Variants in ATF7 observed in about 807,000 individuals in gnomAD.
ATF7 encodes the protein activating transcription factor 7.
A neutral mutation model predicts 50.4 loss-of-function variants in ATF7; 10 were observed. That is an observed-to-expected ratio of 0.20 (90% CI 0.12 to 0.34). The LOEUF (loss-of-function observed/expected upper bound fraction) is 0.34. Ranked by LOEUF, ATF7 falls within the 10% of genes least tolerant of loss-of-function variation. The probability of loss-of-function intolerance (pLI) is 1.00; values close to 1 mark genes in which losing one functional copy is unlikely to be tolerated. For synonymous variants in ATF7, 201 were observed against 226.4 expected (o/e 0.89, Z 1.01); for missense variants, 465 against 613.9 (o/e 0.76, Z 2.56).
At chr12:53,555,803 C>T (rs1442419158) in intron 2 of ATF7, among the ~76,000 whole-genome samples, 1 of 151,222 alleles carries the variant, frequency 6.6e-6, no homozygotes, top group Admixed American at 6.6e-5. Context: ...AGCCATCATG[C>T]CCCGTCTTTT....
rs1944166585 is a variant in ATF7 at position 53,512,733 on chromosome 12, T to C, written c.*4404A>G. ...AATCTAGCTTTTGAGATCAGTGATATGATGGGGAAGACTTTAAAGGGAATG... is the reference window on the plus strand; with the variant it reads ...AATCTAGCTTTTGAGATCAGTGATACGATGGGGAAGACTTTAAAGGGAATG... On this transcript the variant is annotated 3_prime_UTR_variant, in exon 12 of 12. Coordinates refer to ENST00000420353, the MANE Select transcript of ATF7 (RefSeq NM_006856.3). The C allele has an allele frequency of 1.3e-5, 2 of 152,322 alleles. No individual in the cohort carries two copies. Among genetic ancestry groups the C allele is most frequent in the Admixed American group, 6.5e-5 (1 of 15,300 alleles). 9.4% of individuals were successfully genotyped at this position (152,322 alleles called of 1,614,324 possible).
At chr12:53,612,636 C>G (rs149778978) in intron 1 of ATF7, among the ~76,000 whole-genome samples, 1 of 152,276 alleles carries the variant, frequency 6.6e-6, no homozygotes, top group Non-Finnish European at 1.5e-5. Flanking sequence ...GGGATCCCTA[C>G]AGATCTTTCA....
chr12:53,518,882 C>CAA (rs762151684), intron 11 of ATF7, among the ~76,000 whole-genome samples: 2 of 126,550 alleles, frequency 1.6e-5, no homozygotes, highest in Non-Finnish European at 3.4e-5. Context: ...CGTCTCTACT[C>CAA]AAAAAAAAAA....
At chr12:53,610,993 AT>A (rs1330521624) in intron 1 of ATF7, among the ~76,000 whole-genome samples, 122 of 143,906 alleles carry the variant, frequency 8.5e-4, no homozygotes, top group Middle Eastern at 7.2e-3. Context: ...TGCCCAGCTC[AT>A]TTTTTTTTTT....
chr12:53,569,381 T>C (rs1238633577), intron 2 of ATF7, among the ~76,000 whole-genome samples: 3 of 152,218 alleles, frequency 2.0e-5, no homozygotes, highest in Non-Finnish European at 4.4e-5. Flanking sequence ...TTCATTCTCT[T>C]GCATCTGCTA....
intron 2 of ATF7, among the ~76,000 whole-genome samples, chr12:53,566,920 A>G (rs1248748992): frequency 6.6e-6 from 1 of 151,888 alleles, no homozygotes; most frequent in Non-Finnish European, 1.5e-5. Context: ...TGCCCAGCTA[A>G]TTTTTGTATT....
At chr12:53,613,973 T>C (rs1242456165) in intron 1 of ATF7, among the ~76,000 whole-genome samples, 1 of 151,954 alleles carries the variant, frequency 6.6e-6, no homozygotes, top group Non-Finnish European at 1.5e-5. Context: ...AGCTCAGACA[T>C]GCAGAAACTG....
At chr12:53,572,402 G>A (rs1941812262) in intron 2 of ATF7, among the ~76,000 whole-genome samples, 1 of 152,174 alleles carries the variant, frequency 6.6e-6, no homozygotes, top group South Asian at 2.1e-4. Context: ...TATAATTGAT[G>A]AAGCTAGAGG....
intron 2 of ATF7, among the ~76,000 whole-genome samples, chr12:53,578,933 CCTGGTGGTTTCTAGGTAGGAAAA>C (rs967107049): frequency 2.6e-5 from 4 of 152,028 alleles, no homozygotes; most frequent in African/African-American, 9.7e-5. Flanking sequence ...TACGAAGGCA[CCTGGTGGTTTCTAGGTAGGAAAA>C]CAGTGTGGAT....
intron 2 of ATF7, among the ~76,000 whole-genome samples, chr12:53,560,989 A>G (rs541942536): frequency 6.8e-6 from 1 of 146,790 alleles, no homozygotes; most frequent in East Asian, 2.0e-4. Flanking sequence ...TCTGTAGCTC[A>G]GGCTGGAGTG....
At chr12:53,546,408 T>C (rs534574429) in intron 3 of ATF7, among the ~76,000 whole-genome samples, 4 of 121,576 alleles carry the variant, frequency 3.3e-5, no homozygotes, top group African/African-American at 6.2e-5. Flanking sequence ...AAAGAAAATA[T>C]GGCTTTTGGC....
intron 4 of ATF7, chr12:53,543,094 GA>G: frequency 2.2e-6 from 3 of 1,392,322 alleles, no homozygotes; most frequent in Non-Finnish European, 2.8e-6. Context: ...TACTCCCCTG[GA>G]AGAACAAGAG....
intron 6 of ATF7, among the ~76,000 whole-genome samples, chr12:53,534,025 C>G (rs910974121): frequency 6.6e-6 from 1 of 152,230 alleles, no homozygotes; most frequent in African/African-American, 2.4e-5. Context: ...CGCCTGTAAT[C>G]CCGGCACTTT....
At chr12:53,522,742 C>T (rs920364381) in intron 11 of ATF7, 2 of 150,526 alleles carry the variant, frequency 1.3e-5, no homozygotes, top group African/African-American at 2.5e-5. Context: ...TGGTGGGCGC[C>T]TGTAGTACCA....
chr12:53,519,397 T>G (rs1429085908), intron 11 of ATF7, among the ~76,000 whole-genome samples: 1 of 152,072 alleles, frequency 6.6e-6, no homozygotes, highest in Non-Finnish European at 1.5e-5. Flanking sequence ...ACTAAATACA[T>G]CTTTGCTATA....
chr12:53,572,909 C>T (rs1308885857), intron 2 of ATF7, among the ~76,000 whole-genome samples: 1 of 151,820 alleles, frequency 6.6e-6, no homozygotes, highest in Non-Finnish European at 1.5e-5. Flanking sequence ...CCTCAGCCTC[C>T]TGAGTAGCTG....
intron 2 of ATF7, among the ~76,000 whole-genome samples, chr12:53,558,192 C>T (rs186568669): frequency 6.6e-6 from 1 of 152,308 alleles, no homozygotes; most frequent in East Asian, 1.9e-4. Flanking sequence ...ACTCTGTCCC[C>T]CATGGGACAT....
At chr12:53,529,293 G>A (rs1332304169) in intron 9 of ATF7, among the ~76,000 whole-genome samples, 5 of 151,954 alleles carry the variant, frequency 3.3e-5, no homozygotes, top group African/African-American at 1.2e-4. Context: ...TCCGCCTCCC[G>A]GGTTCAAGCG....
chr12:53,601,755 G>A (rs746958713), intron 1 of ATF7, among the ~76,000 whole-genome samples: 3 of 152,116 alleles, frequency 2.0e-5, no homozygotes, highest in African/African-American at 4.8e-5. Flanking sequence ...AACATGTTCC[G>A]GCTGTTTGTG....
Sources: gnomAD v4.1 joint callset for allele counts (sites outside exome capture counted in the v4.1 genomes callset) on GRCh38, gnomAD v4.1.1 for gene constraint, MANE v1.5 for transcripts, NCBI Gene and HGNC (gene_info 2026-07-23, HGNC 2026-07-21) for gene names.